Variants in JAK2 observed in about 807,000 individuals in gnomAD.
The protein encoded by JAK2 is Janus kinase 2.
JAK2 carries 86 observed loss-of-function variants against 139.3 expected under a neutral mutation model. That is an observed-to-expected ratio of 0.62 (90% CI 0.52 to 0.74). The LOEUF is 0.74. JAK2 is among the 30% of genes least tolerant of loss of function. JAK2 has a pLI of 0.00. For synonymous variants in JAK2, 490 were observed against 437.7 expected (o/e 1.12, Z -1.49); for missense variants, 1,421 against 1,360.3 (o/e 1.04, Z -0.70).
rs117686594 is a variant in JAK2 at position 4,994,162 on chromosome 9, T to C, written c.-26+8140T>C. On this transcript the variant is annotated intron_variant, in intron 2 of 24. Transcript: ENST00000381652. ...TAATAATCAGAGTGTTTGGAATCTT[T>C]ACTTAGAAGTTTGATGATGTTTTTG... 5.3e-5 allele frequency among the ~76,000 whole-genome samples: 8 copies of C among 152,372 alleles called. No individual in the cohort carries two copies. The South Asian group carries it at 8.3e-4, about 16-fold the overall frequency.
intron 8 of JAK2, among the ~76,000 whole-genome samples, chr9:5,061,036 A>C (rs1818134310): frequency 6.6e-6 from 1 of 152,216 alleles, no homozygotes; most frequent in Non-Finnish European, 1.5e-5. Context: ...CTTTGAAAGC[A>C]ATCTTTTTTT....
At chr9:5,038,917 C>T (rs1363016506) in intron 4 of JAK2, among the ~76,000 whole-genome samples, 1 of 151,990 alleles carries the variant, frequency 6.6e-6, no homozygotes, top group African/African-American at 2.4e-5. Context: ...ACATGATCAT[C>T]CCAAGAGACA....
intron 2 of JAK2, among the ~76,000 whole-genome samples, chr9:4,992,653 G>A (rs1386286445): frequency 6.6e-6 from 1 of 152,086 alleles, no homozygotes; most frequent in Non-Finnish European, 1.5e-5. Context: ...ATCAGGTCCA[G>A]GTACAGAATA....
At chr9:4,994,628 G>A (rs946178043) in intron 2 of JAK2, among the ~76,000 whole-genome samples, 1 of 152,224 alleles carries the variant, frequency 6.6e-6, no homozygotes, top group African/African-American at 2.4e-5. Context: ...TGCAAAAGCA[G>A]TTATAGACAA....
intron 2 of JAK2, among the ~76,000 whole-genome samples, chr9:4,987,984 G>T (rs548953877): frequency 1.1e-4 from 16 of 152,142 alleles, no homozygotes; most frequent in Non-Finnish European, 2.4e-4. Context: ...AGAGATAAAG[G>T]ACTTCAAGGT....
At chr9:4,991,124 G>T (rs1820217180) in intron 2 of JAK2, among the ~76,000 whole-genome samples, 2 of 152,166 alleles carry the variant, frequency 1.3e-5, no homozygotes, top group African/African-American at 4.8e-5. Context: ...TAAAAGGAAG[G>T]AGAAATTCTT....
At position 5,126,820 on chromosome 9, in the gene JAK2, G is replaced by T; in HGVS notation, c.*29G>T. 1 of 1,394,808 alleles carries T rather than the reference G, an allele frequency of 7.2e-7. No individual in the cohort carries two copies. The highest frequency in any genetic ancestry group is 1.2e-5 in the South Asian group (1 of 84,584). The allele number at this position is 1,394,808 out of a possible 1,614,324, so 86.4% of individuals were successfully genotyped here. A position where few individuals can be genotyped will look rare whatever the true frequency, so the allele number is the denominator to read the frequency against. On this transcript the variant is annotated 3_prime_UTR_variant, in exon 25 of 25. Transcript: ENST00000381652. ...AAATGACCTTCATTCTGAGACCAAA[G>T]TAGATTTACAGAACAAAGTTTTATA...
At chr9:5,044,688 C>T (rs977678708) in intron 5 of JAK2, among the ~76,000 whole-genome samples, 168 bp downstream of exon 5, 1 of 152,080 alleles carries the variant, frequency 6.6e-6, no homozygotes, top group Non-Finnish European at 1.5e-5. Context: ...AGTTTTTAAT[C>T]CCATGGTTTA....
intron 22 of JAK2, among the ~76,000 whole-genome samples, chr9:5,106,420 G>A (rs566394338): frequency 9.2e-5 from 14 of 152,328 alleles, no homozygotes; most frequent in South Asian, 8.3e-4. Context: ...AAGATGTGGC[G>A]AAATAGGAAC....
intron 2 of JAK2, among the ~76,000 whole-genome samples, chr9:5,014,577 T>C (rs1265028706): frequency 6.6e-6 from 1 of 152,194 alleles, no homozygotes; most frequent in Non-Finnish European, 1.5e-5. Context: ...CAGGGACTGA[T>C]GGAGAAGGAG....
At position 5,054,723 on chromosome 9, in the gene JAK2, G is replaced by C. The variant is rs1166748377; in HGVS notation, c.775G>C (p.Glu259Gln). 6.2e-7 allele frequency: 1 copy of C among 1,613,322 alleles called. No homozygotes were observed. ...NLKLKYLINLETLQSAFYTEK... is the reference protein window; with the variant it reads ...NLKLKYLINLQTLQSAFYTEK... ...GAAACTTAAGTATCTTATAAATCTG[G>C]AAACTCTGCAGTCTGCCTTCTACAC... Residue 259 changes from glutamate (E) to glutamine (Q), a missense_variant, in exon 7 of 25, where the codon GAA (glutamate) becomes CAA (glutamine). Transcript: ENST00000381652. The surrounding 1 kb of genome is among the most constrained non-coding windows in gnomAD (Gnocchi z 4.9).
intron 11 of JAK2, among the ~76,000 whole-genome samples, chr9:5,069,486 T>A (rs1818798040): frequency 6.6e-6 from 1 of 152,162 alleles, no homozygotes; most frequent in African/African-American, 2.4e-5. Context: ...ACTACTAAAT[T>A]CTTATGTTGT....
At chr9:5,031,078 G>T (rs1014277456) in intron 4 of JAK2, among the ~76,000 whole-genome samples, 3 of 152,006 alleles carry the variant, frequency 2.0e-5, no homozygotes, top group Non-Finnish European at 2.9e-5. Context: ...GTTATTTGAA[G>T]AATATGAAGA....
intron 8 of JAK2, among the ~76,000 whole-genome samples, chr9:5,056,663 G>A (rs976915435): frequency 6.6e-6 from 1 of 151,968 alleles, no homozygotes; most frequent in African/African-American, 2.4e-5. Context: ...CAGTACTCAG[G>A]GCCTAGTTTA....
upstream of JAK2, chr9:4,984,918 C>A (rs1210706457): frequency 1.3e-5 from 2 of 152,366 alleles, no homozygotes; most frequent in Non-Finnish European, 2.9e-5. Flanking sequence ...GCGCTCACGC[C>A]CAGGGGCCGT....
intron 6 of JAK2, among the ~76,000 whole-genome samples, chr9:5,051,511 A>G (rs1306241633): frequency 2.0e-5 from 3 of 152,136 alleles, no homozygotes; most frequent in African/African-American, 2.4e-5. Context: ...GAAGCCCACA[A>G]ATATGAATTT....
intron 2 of JAK2, among the ~76,000 whole-genome samples, chr9:5,008,551 A>G (rs987450250): frequency 1.3e-5 from 2 of 152,204 alleles, no homozygotes. Flanking sequence ...CCATTTGAGT[A>G]TGAATCTAAA....
chr9:5,067,490 T>C (rs1238199474), intron 10 of JAK2, among the ~76,000 whole-genome samples: 1 of 152,084 alleles, frequency 6.6e-6, no homozygotes, highest in African/African-American at 2.4e-5. Flanking sequence ...TTAATTTTTA[T>C]AAAATGCAAC....
chr9:5,078,265 G>C (rs2130588875), intron 15 of JAK2, 41 bp from the exon 16 acceptor site: 2 of 1,564,454 alleles, frequency 1.3e-6, no homozygotes, highest in Non-Finnish European at 1.7e-6. Context: ...TCCAGTACTT[G>C]TGGACTGATA....
Sources: allele counts gnomAD v4.1 joint callset (sites outside exome capture counted in the v4.1 genomes callset), GRCh38; gene constraint gnomAD v4.1.1; non-coding constraint Gnocchi (gnomAD v3.1); transcripts MANE v1.5; gene names NCBI Gene and HGNC (gene_info 2026-07-23, HGNC 2026-07-21).